Variants in SRSF7 observed in about 807,000 individuals in gnomAD.
SRSF7 encodes the protein serine/arginine-rich splicing factor 7.
SRSF7 carries 15 observed loss-of-function variants against 42.2 expected under a neutral mutation model. The observed-to-expected ratio is 0.36, with a 90% CI of 0.24 to 0.55. The LOEUF (loss-of-function observed/expected upper bound fraction) is 0.55, where lower values mean the gene tolerates loss of function less well. Among genes scored for constraint, SRSF7 ranks in the 20% least tolerant of loss-of-function variants. The probability of loss-of-function intolerance (pLI) is 0.88; values close to 1 mark genes in which losing one functional copy is unlikely to be tolerated. For synonymous variants in SRSF7, 138 were observed against 107.9 expected (o/e 1.28, Z -1.73); for missense variants, 181 against 305.9 (o/e 0.59, Z 3.04).
chr2:38,751,366 A>G (rs1359620343), upstream of SRSF7: 1 of 1,491,286 alleles, frequency 6.7e-7, no homozygotes, highest in South Asian at 1.1e-5. Context: ...CACTACGAGG[A>G]AGAGCCCGGG....
chr2:38,750,548 TCGGCGG>T (rs1374311370), intron 1 of SRSF7, among the ~76,000 whole-genome samples: 1 of 151,172 alleles, frequency 6.6e-6, no homozygotes, highest in African/African-American at 2.4e-5. Context: ...GGCAGCGGCG[TCGGCGG>T]CGGGAGGGCC....
intron 1 of SRSF7, 96 bp from the exon 2 acceptor site, chr2:38,750,290 G>A: frequency 1.7e-6 from 2 of 1,164,542 alleles, no homozygotes; most frequent in Non-Finnish European, 2.4e-6. Context: ...CCTCAAGATT[G>A]GGTAAAGCAC....
chr2:38,751,057 T>C (rs1668270702), intron 1 of SRSF7, 172 bp downstream of exon 1: 2 of 764,626 alleles, frequency 2.6e-6, no homozygotes, highest in Admixed American at 4.3e-5. Flanking sequence ...ACACCCGCCA[T>C]CCCGTCTCCC....
intron 1 of SRSF7, 78 bp downstream of exon 1, chr2:38,751,151 A>C: frequency 6.3e-7 from 1 of 1,586,900 alleles, no homozygotes. Context: ...CCGTCTCCCA[A>C]CCTCCGCGAC....
chr2:38,748,459 C>A, intron 4 of SRSF7, 120 bp downstream of exon 4: 1 of 1,019,646 alleles, frequency 9.8e-7, no homozygotes, highest in Non-Finnish European at 1.5e-6. Context: ...TGCCCCTGTA[C>A]TCCAGCCCGG....
At position 38,749,585 on chromosome 2, in the gene SRSF7, G is replaced by C; in HGVS notation, c.330C>G (p.Gly110=). The C allele has an allele frequency of 6.3e-7, 1 of 1,599,666 alleles. No homozygotes were observed. Among genetic ancestry groups the C allele is most frequent in the South Asian group, 1.1e-5 (1 of 87,590 alleles). The change falls in exon 3 of 8, where the codon GGC becomes GGG. Residue 110 remains glycine, a synonymous_variant. Coordinates refer to ENST00000313117, the MANE Select transcript of SRSF7 (RefSeq NM_001031684.3). ...FDPNDRCYEC[G]EKGHYAYDCH... ...AATCATAAGCATAATGTCCCTTTTC[G>C]CCACACTCATAGCATCTATCATTTG...
At chr2:38,746,530 A>G (rs1172107807) in intron 6 of SRSF7, among the ~76,000 whole-genome samples, 164 bp downstream of exon 6, 1 of 152,194 alleles carries the variant, frequency 6.6e-6, no homozygotes, top group African/African-American at 2.4e-5. Context: ...TGTTCAGGGA[A>G]AGTCAGCCAG....
At chr2:38,751,166 C>T in intron 1 of SRSF7, 63 bp downstream of exon 1, 2 of 1,606,420 alleles carry the variant, frequency 1.2e-6, no homozygotes, top group Admixed American at 1.7e-5. Context: ...CGCGACAACC[C>T]TACGGCCTCG....
chr2:38,746,696 G>A lies in SRSF7; in HGVS notation c.624C>T (p.Ser208=). Residue 208 remains serine (S), a splice_region_variant and synonymous_variant, in exon 6 of 8, where the codon AGC becomes AGT. Coordinates refer to ENST00000313117, the MANE Select transcript of SRSF7 (RefSeq NM_001031684.3). ...GCATAATCAAATTTTTACCCTACCT[G>A]CTTCTTGGTCGTGAAATAGACCTGG... ...SRSRSISRPR[S]SRSKSRSPSP... The A allele has an allele frequency of 6.2e-7, 1 of 1,613,516 alleles. No individual in the cohort carries two copies. The highest frequency in any genetic ancestry group is 8.5e-7 in the Non-Finnish European group (1 of 1,179,860).
At chr2:38,749,810 C>T in intron 2 of SRSF7, 105 bp from the exon 3 acceptor site, 4 of 1,328,098 alleles carry the variant, frequency 3.0e-6, no homozygotes, top group Non-Finnish European at 4.0e-6. Context: ...ACCACTCCTT[C>T]CCCCCCAACA....
At chr2:38,747,096 G>A (rs1009280388) in intron 5 of SRSF7, 1 of 486,436 alleles carries the variant, frequency 2.1e-6, no homozygotes, top group Non-Finnish European at 4.2e-6. Flanking sequence ...GCTGGGCACT[G>A]TGGTACACAA....
At chr2:38,745,249 T>G (rs1040862776) in intron 7 of SRSF7, 62 bp from the exon 8 acceptor site, 3 of 1,562,782 alleles carry the variant, frequency 1.9e-6, no homozygotes, top group African/African-American at 1.4e-5. Flanking sequence ...CATGTACATG[T>G]ACTAACTTTC....
intron 6 of SRSF7, 25 bp from the exon 7 acceptor site, chr2:38,746,204 TAAAG>T (rs1667385294): frequency 3.1e-6 from 5 of 1,613,584 alleles, no homozygotes; most frequent in Non-Finnish European, 3.4e-6. Flanking sequence ...GAAATTCTAT[TAAAG>T]AAAGAGTACT....
intron 1 of SRSF7, chr2:38,750,904 T>C (rs1668235499): frequency 2.8e-6 from 1 of 357,530 alleles, no homozygotes; most frequent in Non-Finnish European, 5.3e-6. Flanking sequence ...GTGCGCAAAA[T>C]GGCAGCCGCC....
upstream of SRSF7, chr2:38,751,405 T>G (rs951147471): frequency 2.0e-6 from 2 of 1,020,766 alleles, no homozygotes; most frequent in African/African-American, 3.2e-5. Flanking sequence ...GCCGCTGCGC[T>G]TTGCGCATGC....
intron 1 of SRSF7, chr2:38,750,773 C>G (rs1485019563): frequency 5.8e-6 from 1 of 170,958 alleles, no homozygotes; most frequent in South Asian, 1.3e-4. Context: ...CGAGAACATG[C>G]AGCTCACAGC....
chr2:38,745,060 T>C lies in SRSF7; in HGVS notation c.*73A>G. The C allele has an allele frequency of 3.4e-6, 5 of 1,476,840 alleles. No individual in the cohort carries two copies. The highest frequency in any genetic ancestry group is 4.7e-6 in the Non-Finnish European group (5 of 1,061,400). 91.5% of individuals were successfully genotyped at this position (1,476,840 alleles called of 1,614,324 possible). On this transcript the variant is annotated 3_prime_UTR_variant, in exon 8 of 8. Coordinates refer to ENST00000313117, the MANE Select transcript of SRSF7 (RefSeq NM_001031684.3). ...TTGAATTATCTTTCCTAGGTTACAC[T>C]TTACAGACATCACAAATCCCTTATA...
chr2:38,748,212 T>TA (rs1245872971), intron 4 of SRSF7, 55 bp from the exon 5 acceptor site: 5 of 1,377,662 alleles, frequency 3.6e-6, no homozygotes, highest in African/African-American at 2.9e-5. Flanking sequence ...TTTGGCCTGT[T>TA]AAGACTTCAA....
chr2:38,748,486 C>G, intron 4 of SRSF7, 93 bp downstream of exon 4: 3 of 1,309,606 alleles, frequency 2.3e-6, no homozygotes, highest in South Asian at 2.4e-5. Context: ...GAGCAAGACC[C>G]TGTCTCCAAA....
Sources: gnomAD v4.1 joint callset for allele counts (sites outside exome capture counted in the v4.1 genomes callset) on GRCh38, gnomAD v4.1.1 for gene constraint, MANE v1.5 for transcripts, NCBI Gene and HGNC (gene_info 2026-07-23, HGNC 2026-07-21) for gene names.